SLC38A12: variants seen among roughly 807,000 people sequenced by gnomAD.
SLC38A12 encodes the protein solute carrier family 38 member 12.
chr17:74,792,827 G>C, the SLC38A12 span, among the ~76,000 whole-genome samples: 1 of 152,200 alleles, frequency 6.6e-6, no homozygotes, highest in Non-Finnish European at 1.5e-5. Context: ...AAACCAACTG[G>C]TCAGGTTCAG....
the SLC38A12 span, among the ~76,000 whole-genome samples, chr17:74,793,019 G>A: frequency 6.6e-6 from 1 of 152,236 alleles, no homozygotes; most frequent in Non-Finnish European, 1.5e-5. Flanking sequence ...TTCATGTTGT[G>A]CAGTCTGCCC....
At chr17:74,828,545 T>C in the SLC38A12 span, among the ~76,000 whole-genome samples, 1 of 152,136 alleles carries the variant, frequency 6.6e-6, no homozygotes, top group South Asian at 2.1e-4. Flanking sequence ...GCAGGGACCG[T>C]TGGGCAGGGC....
At chr17:74,814,298 G>T in the SLC38A12 span, among the ~76,000 whole-genome samples, 1 of 151,222 alleles carries the variant, frequency 6.6e-6, no homozygotes, top group African/African-American at 2.4e-5. Context: ...GGCACCCCAG[G>T]CCCCCTTCCT....
the SLC38A12 span, chr17:74,836,358 G>A: frequency 1.2e-6 from 2 of 1,612,674 alleles, no homozygotes; most frequent in Middle Eastern, 1.6e-4. The surrounding 1 kb of genome is among the most constrained non-coding windows in gnomAD (Gnocchi z 4.2). Flanking sequence ...CCACCGCGAG[G>A]GCGGCACGTA....
At chr17:74,818,570 C>T in the SLC38A12 span, among the ~76,000 whole-genome samples, 3 of 152,316 alleles carry the variant, frequency 2.0e-5, no homozygotes, top group Admixed American at 6.5e-5. Flanking sequence ...GGGCTCCTAC[C>T]TGTCAGTCAC....
the SLC38A12 span, among the ~76,000 whole-genome samples, chr17:74,789,773 AG>A: frequency 3.5e-5 from 5 of 143,092 alleles, no homozygotes; most frequent in Admixed American, 2.9e-4. Flanking sequence ...TGAACCTGGG[AG>A]GCAGAGGTTG....
At chr17:74,777,992 C>T in the SLC38A12 span, among the ~76,000 whole-genome samples, 1 of 152,238 alleles carries the variant, frequency 6.6e-6, no homozygotes, top group African/African-American at 2.4e-5. Flanking sequence ...CAGTGATTGA[C>T]AGCTGTTGAC....
the SLC38A12 span, among the ~76,000 whole-genome samples, chr17:74,811,645 T>G: frequency 1.3e-5 from 2 of 151,932 alleles, no homozygotes; most frequent in African/African-American, 4.8e-5. Flanking sequence ...CACTTGAGCC[T>G]GGGAGGTGGA....
At chr17:74,777,251 C>G in the SLC38A12 span, 2 of 1,550,428 alleles carry the variant, frequency 1.3e-6, no homozygotes, top group African/African-American at 1.4e-5. Context: ...GAAGCCTGCT[C>G]TTTTGTTTTA....
the SLC38A12 span, among the ~76,000 whole-genome samples, chr17:74,813,798 G>A: frequency 1.3e-5 from 2 of 151,156 alleles, no homozygotes; most frequent in Admixed American, 6.6e-5. Flanking sequence ...ACCATGCCTG[G>A]CCTCCTGTCT....
chr17:74,784,753 G>A, the SLC38A12 span, among the ~76,000 whole-genome samples: 1 of 152,076 alleles, frequency 6.6e-6, no homozygotes, highest in Non-Finnish European at 1.5e-5. Flanking sequence ...TGAAGTCAGT[G>A]ACCTGAGAAA....
the SLC38A12 span, among the ~76,000 whole-genome samples, chr17:74,811,360 G>A: frequency 6.6e-6 from 1 of 151,928 alleles, no homozygotes; most frequent in Admixed American, 6.6e-5. Flanking sequence ...ACAAAAAAAT[G>A]CATTTGGACC....
chr17:74,821,757 C>T, the SLC38A12 span, among the ~76,000 whole-genome samples: 1 of 152,222 alleles, frequency 6.6e-6, no homozygotes, highest in Admixed American at 6.5e-5. Flanking sequence ...AAGTCTGGTG[C>T]TCCAGCTCCT....
At chr17:74,819,230 G>T in the SLC38A12 span, among the ~76,000 whole-genome samples, 8 of 152,170 alleles carry the variant, frequency 5.3e-5, no homozygotes, top group African/African-American at 1.7e-4. Flanking sequence ...TGCACATCCC[G>T]ATCACTCCTC....
chr17:74,798,079 G>A, the SLC38A12 span, among the ~76,000 whole-genome samples: 469 of 152,292 alleles, frequency 3.1e-3, 2 homozygotes, highest in African/African-American at 9.7e-3. Context: ...CGAGCAGGTC[G>A]GAGGAGAATT....
At chr17:74,795,627 T>G in the SLC38A12 span, 1 of 1,612,864 alleles carries the variant, frequency 6.2e-7, no homozygotes, top group Non-Finnish European at 8.5e-7. Context: ...CTACCGCATC[T>G]ACTTGGTGAG....
chr17:74,838,367 G>A, the SLC38A12 span: 2 of 996,758 alleles, frequency 2.0e-6, no homozygotes, highest in Non-Finnish European at 2.4e-6. Flanking sequence ...AGACCTGGCT[G>A]CCCCACTGTG....
the SLC38A12 span, among the ~76,000 whole-genome samples, chr17:74,830,944 C>T: frequency 5.3e-5 from 8 of 152,236 alleles, no homozygotes; most frequent in Non-Finnish European, 1.0e-4. Flanking sequence ...CCTTGGCAGG[C>T]GACCTCGCGG....
the SLC38A12 span, among the ~76,000 whole-genome samples, chr17:74,819,338 T>TC: frequency 6.6e-6 from 1 of 152,192 alleles, no homozygotes; most frequent in Non-Finnish European, 1.5e-5. Context: ...AAACTAAGAG[T>TC]CAGAGACATG....
Sources: gnomAD v4.1 joint callset for allele counts (sites outside exome capture counted in the v4.1 genomes callset) on GRCh38, gnomAD v4.1.1 for gene constraint, Gnocchi (gnomAD v3.1) non-coding constraint, MANE v1.5 for transcripts, NCBI Gene and HGNC (gene_info 2026-07-23, HGNC 2026-07-21) for gene names.